PAH: variants seen among roughly 807,000 people sequenced by gnomAD.
PAH encodes the protein phenylalanine hydroxylase.
A neutral mutation model predicts 62.0 loss-of-function variants in PAH; 64 were observed. The ratio of observed to expected loss-of-function variants is 1.03; its 90% CI spans 0.84 to 1.27. The LOEUF (loss-of-function observed/expected upper bound fraction) is 1.27. Among genes scored for constraint, PAH ranks in the 50% most tolerant of loss-of-function variants. The pLI is 0.00. For missense variants in PAH, 579 were observed against 542.8 expected, an observed-to-expected ratio of 1.07 and a Z score of -0.66; for synonymous variants, 195 against 196.2, an observed-to-expected ratio of 0.99 and a Z score of 0.05.
upstream of PAH, among the ~76,000 whole-genome samples, chr12:102,918,560 GT>G (rs35026116): frequency 2.9e-5 from 3 of 102,272 alleles, no homozygotes; most frequent in African/African-American, 4.5e-5. Flanking sequence ...CCATGCCTCA[GT>G]TTTTTTTTGT....
chr12:102,846,999 C>T, intron 8 of PAH, 48 bp from the exon 9 acceptor site: 1 of 1,511,716 alleles, frequency 6.6e-7, no homozygotes, highest in Non-Finnish European at 9.2e-7. Context: ...TAATTGGAAC[C>T]ACAGAACCAA....
At chr12:102,884,373 G>A (rs977694096) in intron 3 of PAH, among the ~76,000 whole-genome samples, 1 of 152,216 alleles carries the variant, frequency 6.6e-6, no homozygotes, top group Non-Finnish European at 1.5e-5. Context: ...AGACCACAGA[G>A]GACCCCAGAC....
chr12:102,938,847 A>G (rs1879192613), intron 1 of PAH, among the ~76,000 whole-genome samples: 1 of 152,024 alleles, frequency 6.6e-6, no homozygotes, highest in Non-Finnish European at 1.5e-5. Flanking sequence ...GCTACACTGC[A>G]CTCAGCAGGG....
At chr12:102,863,059 G>A (rs1875801977) in intron 5 of PAH, among the ~76,000 whole-genome samples, 1 of 152,068 alleles carries the variant, frequency 6.6e-6, no homozygotes, top group Non-Finnish European at 1.5e-5. Context: ...TCAATCCTTG[G>A]CCCTGCCATT....
intron 3 of PAH, among the ~76,000 whole-genome samples, chr12:102,888,507 A>G (rs1306887120): frequency 6.7e-6 from 1 of 149,610 alleles, no homozygotes; most frequent in East Asian, 2.0e-4. Flanking sequence ...TAATTTTGTA[A>G]TCTTCCTGAG....
At chr12:102,915,969 G>A (rs770992756) in intron 1 of PAH, among the ~76,000 whole-genome samples, 4 of 152,002 alleles carry the variant, frequency 2.6e-5, no homozygotes, top group African/African-American at 4.8e-5. Flanking sequence ...ATGCTTTCCT[G>A]ATGAGATCCC....
At position 102,877,559 on chromosome 12, in the gene PAH, C is replaced by A. The variant is rs757191681; in HGVS notation, c.353-9G>T. 16 of 1,607,770 alleles carry A rather than the reference C, an allele frequency of 1.0e-5. No individual in the cohort carries two copies. Among genetic ancestry groups the A allele is most frequent in the Non-Finnish European group, 1.2e-5 (14 of 1,174,312 alleles). ...TCTTGGGAACCAGGGCACTGAAACA[C>A]AGAGAAGGCAACGTCCTGAGTACAG... is the stretch of plus-strand genomic sequence containing the variant. On this transcript the variant is annotated splice_polypyrimidine_tract_variant and intron_variant, in intron 3 of 12. Coordinates refer to ENST00000553106, the MANE Select transcript of PAH (RefSeq NM_000277.3).
chr12:102,916,983 G>A (rs775414951), intron 1 of PAH, 88 bp downstream of exon 1: 1 of 1,204,166 alleles, frequency 8.3e-7, no homozygotes, highest in Non-Finnish European at 1.2e-6. Context: ...CTGAGCTTAT[G>A]AAACCAGGAA....
intron 1 of PAH, among the ~76,000 whole-genome samples, chr12:102,922,826 T>G (rs888492129): frequency 6.6e-6 from 1 of 152,192 alleles, no homozygotes; most frequent in East Asian, 1.9e-4. Context: ...AAATTACCCT[T>G]TAGAGGATGA....
At chr12:102,923,216 T>C (rs150869672) in intron 1 of PAH, among the ~76,000 whole-genome samples, 27 of 152,250 alleles carry the variant, frequency 1.8e-4, no homozygotes, top group African/African-American at 6.3e-4. Context: ...GGGTACACAC[T>C]TGTGGATGAT....
chr12:102,864,748 G>A (rs1000733159), intron 5 of PAH, among the ~76,000 whole-genome samples: 1 of 144,700 alleles, frequency 6.9e-6, no homozygotes, highest in Non-Finnish European at 1.5e-5. Flanking sequence ...AGTGAGTATC[G>A]ATTTTGGGGT....
intron 2 of PAH, among the ~76,000 whole-genome samples, chr12:102,906,851 T>C (rs758859696): frequency 6.6e-6 from 1 of 152,194 alleles, no homozygotes; most frequent in Non-Finnish European, 1.5e-5. Context: ...GCCACTCCAT[T>C]GTGCTTACTG....
At chr12:102,930,118 A>G (rs550957729) in intron 1 of PAH, among the ~76,000 whole-genome samples, 1 of 152,346 alleles carries the variant, frequency 6.6e-6, no homozygotes, top group South Asian at 2.1e-4. Context: ...CATTTTAAAA[A>G]TGAGAAAATA....
chr12:102,941,033 A>G (rs1287080695), intron 1 of PAH, among the ~76,000 whole-genome samples: 1 of 152,244 alleles, frequency 6.6e-6, no homozygotes, highest in African/African-American at 2.4e-5. Context: ...ATTCCTAAAG[A>G]AAATAAATTC....
upstream of PAH, among the ~76,000 whole-genome samples, chr12:102,951,097 T>C (rs1355117261): frequency 6.6e-6 from 1 of 152,166 alleles, no homozygotes; most frequent in Non-Finnish European, 1.5e-5. Context: ...CCCTCCTATA[T>C]GCAAACTGTC....
chr12:102,912,289 A>G (rs531985865), intron 2 of PAH, among the ~76,000 whole-genome samples: 78 of 152,314 alleles, frequency 5.1e-4, no homozygotes, highest in African/African-American at 1.9e-3. Flanking sequence ...TTTCTAAAGC[A>G]TAGTTTTGGG....
chr12:102,872,429 T>G (rs1330586019), intron 4 of PAH, among the ~76,000 whole-genome samples: 1 of 152,220 alleles, frequency 6.6e-6, no homozygotes, highest in African/African-American at 2.4e-5. Context: ...GTTTTTAACT[T>G]TTCACAAATT....
At chr12:102,916,953 C>A in intron 1 of PAH, 118 bp downstream of exon 1, 2 of 922,082 alleles carry the variant, frequency 2.2e-6, no homozygotes, top group Non-Finnish European at 3.6e-6. Context: ...CATCAGCTTC[C>A]AACGAATTCA....
At chr12:102,891,903 C>T (rs1351357531) in intron 3 of PAH, among the ~76,000 whole-genome samples, 1 of 152,206 alleles carries the variant, frequency 6.6e-6, no homozygotes, top group African/African-American at 2.4e-5. Context: ...CCACCTGCTC[C>T]AACCAGAGGC....
Sources: gnomAD v4.1 joint callset for allele counts (sites outside exome capture counted in the v4.1 genomes callset) on GRCh38, gnomAD v4.1.1 for gene constraint, MANE v1.5 for transcripts, NCBI Gene and HGNC (gene_info 2026-07-23, HGNC 2026-07-21) for gene names.